RNF32: variants seen among roughly 807,000 people sequenced by gnomAD.
RNF32 encodes the protein ring finger protein 32.
In RNF32, 36 loss-of-function variants were observed where a neutral mutation model predicts 41.0. The observed-to-expected ratio is 0.88, with a 90% CI of 0.67 to 1.16. The LOEUF (loss-of-function observed/expected upper bound fraction) is 1.16, where lower values mean the gene tolerates loss of function less well. RNF32 is among the 50% of genes most tolerant of loss of function. The pLI, the probability that RNF32 is intolerant of heterozygous loss-of-function variation, is 0.00. For synonymous variants in RNF32, 154 were observed against 160.9 expected, an observed-to-expected ratio of 0.96 and a Z score of 0.32; for missense variants, 413 against 436.7, an observed-to-expected ratio of 0.95 and a Z score of 0.48.
intron 1 of RNF32, among the ~76,000 whole-genome samples, chr7:156,642,083 T>C (rs964667648): frequency 2.6e-5 from 4 of 152,240 alleles, no homozygotes; most frequent in African/African-American, 9.6e-5. Context: ...TGTTAGTCCT[T>C]AGAAATACAT....
chr7:156,654,839 C>A, intron 4 of RNF32, 121 bp downstream of exon 4: 1 of 828,904 alleles, frequency 1.2e-6, no homozygotes. Context: ...GTGTGAGCCT[C>A]ACACACTTCC....
intron 7 of RNF32, among the ~76,000 whole-genome samples, chr7:156,668,302 T>C (rs1801680889): frequency 6.6e-6 from 1 of 152,194 alleles, no homozygotes; most frequent in Non-Finnish European, 1.5e-5. Flanking sequence ...CAGTCATTCA[T>C]GTGCAGTCAA....
At chr7:156,659,558 G>A (rs1036537062) in intron 7 of RNF32, 2 of 982,128 alleles carry the variant, frequency 2.0e-6, no homozygotes, top group Non-Finnish European at 2.4e-6. Flanking sequence ...TCTTAAATCA[G>A]AAGTGATTTT....
At chr7:156,648,624 CG>C (rs1563071267) in intron 3 of RNF32, among the ~76,000 whole-genome samples, 1 of 152,132 alleles carries the variant, frequency 6.6e-6, no homozygotes, top group Non-Finnish European at 1.5e-5. Flanking sequence ...CTTGATTGTG[CG>C]TATTAGTTAC....
In RNF32 at chr7:156,649,481, G is replaced by A. The variant is rs180911071; in HGVS notation, c.274+4724G>A. Among the ~76,000 whole-genome samples the A allele has an allele frequency of 9.9e-5, 15 of 151,726 alleles. No homozygotes were observed. In the East Asian group the frequency reaches 2.3e-3, roughly 24 times the overall value. On this transcript the variant is annotated intron_variant, in intron 3 of 8. Coordinates refer to ENST00000317955, the MANE Select transcript of RNF32 (RefSeq NM_030936.4). The stretch of plus-strand genomic sequence containing the variant: ...TAGTAATACCTAGCATTTCTGTCTC[G>A]TTCCTTAGCCTAACACGTTTCATTT...
At chr7:156,640,473 C>A, upstream of RNF32, 1 of 360,188 alleles carries the variant, frequency 2.8e-6, no homozygotes, top group Non-Finnish European at 5.4e-6. Flanking sequence ...CCCGCGGCTC[C>A]CGAACACCCC....
chr7:156,657,738 A>G (rs1799943558), intron 5 of RNF32, 165 bp downstream of exon 5: 11 of 692,830 alleles, frequency 1.6e-5, no homozygotes, highest in Non-Finnish European at 2.8e-5. Context: ...AATTCATCCT[A>G]TTTTGAAAAT....
At chr7:156,645,390 A>C (rs1182245039) in intron 3 of RNF32, among the ~76,000 whole-genome samples, 1 of 152,236 alleles carries the variant, frequency 6.6e-6, no homozygotes, top group Non-Finnish European at 1.5e-5. Context: ...TCTTACCAAA[A>C]TGTATATCTG....
At position 156,677,011 on chromosome 7, in the gene RNF32, T is replaced by A. The variant is rs1489671958; in HGVS notation, c.*356T>A. 4.7e-6 allele frequency: 1 copy of A among 212,030 alleles called. No homozygotes were observed. Among genetic ancestry groups the A allele is most frequent in the East Asian group, 1.1e-4 (1 of 9,118 alleles). The allele number at this position is 212,030 out of a possible 1,614,324, so 13.1% of individuals were successfully genotyped here. ...AACACTCCTTAAGTTCCAAATGTTT[T>A]CCGCTAATAGTCTGTCCTAAAGCCT... On this transcript the variant is annotated 3_prime_UTR_variant, in exon 9 of 9. Coordinates refer to ENST00000317955, the MANE Select transcript of RNF32 (RefSeq NM_030936.4).
Position 156,644,964 on chromosome 7 carries a change from A to G in RNF32, c.274+207A>G, listed in dbSNP as rs185109543. On this transcript the variant is annotated intron_variant, in intron 3 of 8. Transcript: ENST00000317955. ...GGTAAAGATAGTAATGGTAAGTAGA[A>G]TAAGTAAAAATGGGAGAACAAAAGA... Among the ~76,000 whole-genome samples, 545 of 152,346 alleles carry G rather than the reference A, an allele frequency of 3.6e-3. 2 individuals are homozygous for G. Among genetic ancestry groups the G allele is most frequent in the African/African-American group, 0.012 (512 of 41,584 alleles).
Position 156,676,845 on chromosome 7 carries a change from TA to T in RNF32, c.*195del. On this transcript the variant is annotated 3_prime_UTR_variant, in exon 9 of 9. Coordinates refer to ENST00000317955, the MANE Select transcript of RNF32 (RefSeq NM_030936.4). Reference sequence around the variant, plus strand: ...CCACCTAATTTTAATCTTTGGTCTCTAAAAAGTAAATTTCAAATTTATGAGT... The same window carrying T: ...CCACCTAATTTTAATCTTTGGTCTCTAAAAGTAAATTTCAAATTTATGAGT... 1.7e-6 allele frequency: 1 copy of T among 572,754 alleles called. No homozygotes were observed. The highest frequency in any genetic ancestry group is 3.1e-6 in the Non-Finnish European group (1 of 323,904). 35.5% of individuals were successfully genotyped at this position (572,754 alleles called of 1,614,324 possible). A position where few individuals can be genotyped will look rare whatever the true frequency, so the allele number is the denominator to read the frequency against.
chr7:156,663,466 A>C (rs1800929980), intron 7 of RNF32, among the ~76,000 whole-genome samples: 1 of 152,204 alleles, frequency 6.6e-6, no homozygotes, highest in Non-Finnish European at 1.5e-5. Context: ...ATGGAATAAA[A>C]GGCTTGAATA....
intron 8 of RNF32, 26 bp from the exon 9 acceptor site, chr7:156,676,393 G>A: frequency 2.5e-6 from 4 of 1,614,026 alleles, no homozygotes; most frequent in South Asian, 2.2e-5. Context: ...AACCCGCGTG[G>A]CCTCTTCCCG....
chr7:156,663,309 A>G (rs1410487758), intron 7 of RNF32, among the ~76,000 whole-genome samples: 1 of 152,252 alleles, frequency 6.6e-6, no homozygotes, highest in Non-Finnish European at 1.5e-5. Flanking sequence ...ATAACACATG[A>G]AAACAAAATA....
In RNF32 at chr7:156,644,650, C is replaced by T. The variant is rs776046179; in HGVS notation, c.167C>T (p.Thr56Ile). The part of the protein sequence containing the change: ...KKENKSLKRD[T>I]KAIIDTGLKK... ...GAGAACAAATCTCTAAAAAGAGATACAAAGGCAATAATAGATACTGGACTT... is the reference window on the plus strand; with the variant it reads ...GAGAACAAATCTCTAAAAAGAGATATAAAGGCAATAATAGATACTGGACTT... Residue 56 changes from threonine (T) to isoleucine (I), a missense_variant, in exon 3 of 9, where the codon ACA (threonine) becomes ATA (isoleucine). Physicochemically the swap from Thr to Ile is moderately conservative, Grantham distance 89 (BLOSUM62 -1). Transcript: ENST00000317955. The T allele has an allele frequency of 1.2e-6, 2 of 1,612,542 alleles. No homozygotes were observed. The highest frequency in any genetic ancestry group is 3.3e-5 in the Admixed American group (2 of 59,980).
In RNF32 at chr7:156,676,414, C is replaced by T. The variant is rs201493759; in HGVS notation, c.853-5C>T. ...CGTGGCCTCTTCCCGTCCTGTGTGC[C>T]GCAGGCTCTGCGCCGGGAGACCCAC... On this transcript the variant is annotated splice_polypyrimidine_tract_variant and splice_region_variant and intron_variant, in intron 8 of 8. Coordinates refer to ENST00000317955, the MANE Select transcript of RNF32 (RefSeq NM_030936.4). 4.3e-4 allele frequency: 698 copies of T among 1,614,048 alleles called. 11 individuals carry two copies. In the South Asian group the frequency reaches 7.0e-3, roughly 16 times the overall value.
intron 7 of RNF32, chr7:156,659,330 A>G: frequency 1.0e-6 from 1 of 988,884 alleles, no homozygotes; most frequent in African/African-American, 1.7e-5. Context: ...TAGAATATGG[A>G]GATGAGTTAC....
intron 2 of RNF32, 80 bp downstream of exon 2, chr7:156,643,972 A>G: frequency 7.7e-7 from 1 of 1,306,520 alleles, no homozygotes; most frequent in Non-Finnish European, 1.1e-6. Context: ...GAGTATAAAA[A>G]CTAGTTTGCA....
rs550075091 is a variant in RNF32, at chr7:156,647,996, G to C, written c.274+3239G>C. Among the ~76,000 whole-genome samples, 3 of 149,666 alleles carry C rather than the reference G, an allele frequency of 2.0e-5. No individual in the cohort carries two copies. In the East Asian group the frequency reaches 5.9e-4, roughly 29 times the overall value. ...ATCTTCTTTTGGGAAATATCTGTTC[G>C]TATCATTTGCCCTCTTTTTGATGGG... On this transcript the variant is annotated intron_variant, in intron 3 of 8. Coordinates refer to ENST00000317955, the MANE Select transcript of RNF32 (RefSeq NM_030936.4).
Sources: allele counts gnomAD v4.1 joint callset (sites outside exome capture counted in the v4.1 genomes callset), GRCh38; gene constraint gnomAD v4.1.1; transcripts MANE v1.5; gene names NCBI Gene and HGNC (gene_info 2026-07-23, HGNC 2026-07-21).